The following RNF152 variants were observed in gnomAD, a reference collection of about 807,000 sequenced individuals.
RNF152 encodes the protein E3 ubiquitin-protein ligase RNF152.
Under a neutral mutation model 12.7 loss-of-function variants are expected in RNF152, and 11 were observed. The ratio of observed to expected loss-of-function variants is 0.86; its 90% CI spans 0.54 to 1.43. The LOEUF is 1.43. RNF152 is among the 40% of genes most tolerant of loss of function. The probability of loss-of-function intolerance (pLI) is 0.00; values close to 1 mark genes in which losing one functional copy is unlikely to be tolerated. For missense variants in RNF152, 255 were observed against 274.8 expected (o/e 0.93, Z 0.51); for synonymous variants, 113 against 120.3 (o/e 0.94, Z 0.40).
rs118054266 is a variant in RNF152, at chr18:61,889,563, C to T, written c.-136+3232G>A. Among the ~76,000 whole-genome samples, 260 of 152,310 alleles carry T rather than the reference C, an allele frequency of 1.7e-3. 3 individuals carry two copies. The East Asian group carries it at 0.041, about 24-fold the overall frequency. ...AAGGAAGGCTTTAGAACTCACCACC[C>T]TCCTAGTCAATACAGTTGCTGATGG... On this transcript the variant is annotated intron_variant, in intron 1 of 1. Coordinates refer to ENST00000312828, the MANE Select transcript of RNF152 (RefSeq NM_173557.3).
At chr18:61,869,261 G>A (rs1026241004) in intron 1 of RNF152, among the ~76,000 whole-genome samples, 4 of 152,130 alleles carry the variant, frequency 2.6e-5, no homozygotes, top group African/African-American at 7.2e-5. Flanking sequence ...AAATCACTAG[G>A]TGGGGTCAAA....
In RNF152 at chr18:61,863,433, C is replaced by CAA. The variant is rs34663065; in HGVS notation, c.-136+29360_-136+29361dup. Among the ~76,000 whole-genome samples, 552 of 90,880 alleles carry CAA rather than the reference C, an allele frequency of 6.1e-3. 13 individuals carry two copies. The highest frequency in any genetic ancestry group is 0.021 in the African/African-American group (493 of 23,398). 59.6% of individuals were successfully genotyped at this position (90,880 alleles called of 152,430 possible). A position where few individuals can be genotyped will look rare whatever the true frequency, so the allele number is the denominator to read the frequency against. ...CTGGCAACAGAGTGAGACTCCGTCTCAAAAAAAAAAAAAAAAAAAAAGTAG... is the reference window on the plus strand; with the variant it reads ...CTGGCAACAGAGTGAGACTCCGTCTCAAAAAAAAAAAAAAAAAAAAAAAGTAG... On this transcript the variant is annotated intron_variant, in intron 1 of 1. Coordinates refer to ENST00000312828, the MANE Select transcript of RNF152 (RefSeq NM_173557.3).
At chr18:61,850,516 A>G (rs1910921775) in intron 1 of RNF152, among the ~76,000 whole-genome samples, 1 of 152,204 alleles carries the variant, frequency 6.6e-6, no homozygotes, top group Non-Finnish European at 1.5e-5. Context: ...TATGATCACC[A>G]TCAAACTTGG....
rs535320685 is a variant in RNF152, at chr18:61,818,949, C to T, written c.-135-2351G>A. On this transcript the variant is annotated intron_variant, in intron 1 of 1. Transcript: ENST00000312828. ...TAAATACAAGGTACCCTAAGGGAGCCGAAGGAATCAGGGGGAATTTAGTGA... is the reference window on the plus strand; with the variant it reads ...TAAATACAAGGTACCCTAAGGGAGCTGAAGGAATCAGGGGGAATTTAGTGA... Among the ~76,000 whole-genome samples, 59 of 151,964 alleles carry T rather than the reference C, an allele frequency of 3.9e-4. 1 individual carries two copies. In the East Asian group the frequency reaches 7.3e-3, roughly 19 times the overall value.
intron 1 of RNF152, among the ~76,000 whole-genome samples, chr18:61,855,951 T>C (rs1173628849): frequency 1.3e-5 from 2 of 152,148 alleles, no homozygotes; most frequent in African/African-American, 2.4e-5. Context: ...CTCCACATAC[T>C]TTAATCTGAC....
At chr18:61,863,971 A>C (rs1306042015) in intron 1 of RNF152, among the ~76,000 whole-genome samples, 1 of 152,154 alleles carries the variant, frequency 6.6e-6, no homozygotes, top group Admixed American at 6.5e-5. Context: ...TCTTTCTGAA[A>C]AACACCCAGT....
At chr18:61,885,020 CTATT>C (rs777740368) in intron 1 of RNF152, among the ~76,000 whole-genome samples, 2 of 152,168 alleles carry the variant, frequency 1.3e-5, no homozygotes, top group Non-Finnish European at 2.9e-5. Context: ...AGTGGATGGA[CTATT>C]TATCCCAGTT....
intron 1 of RNF152, among the ~76,000 whole-genome samples, chr18:61,878,227 G>A (rs1797271419): frequency 1.3e-5 from 2 of 152,188 alleles, no homozygotes; most frequent in African/African-American, 2.4e-5. Flanking sequence ...ATTTGGCAAT[G>A]TCTGGAGACA....
At chr18:61,830,050 C>T (rs1909867523) in intron 1 of RNF152, among the ~76,000 whole-genome samples, 1 of 147,060 alleles carries the variant, frequency 6.8e-6, no homozygotes. Context: ...GAGACAGAGT[C>T]TCACTCTGTC....
chr18:61,828,373 C>G (rs6567246), intron 1 of RNF152, among the ~76,000 whole-genome samples: 54,172 of 152,036 alleles, frequency 0.36, 10,145 homozygotes, highest in Non-Finnish European at 0.42. Flanking sequence ...TGCCTTAGCC[C>G]CCCGAGTAGC....
chr18:61,888,984 T>C (rs1912822385), intron 1 of RNF152: 1 of 152,214 alleles, frequency 6.6e-6, no homozygotes, highest in African/African-American at 2.4e-5. Flanking sequence ...TTCCCAAATA[T>C]AGTTCAAGAC....
At chr18:61,865,108 T>C (rs943743954) in intron 1 of RNF152, among the ~76,000 whole-genome samples, 1 of 152,184 alleles carries the variant, frequency 6.6e-6, no homozygotes, top group African/African-American at 2.4e-5. Flanking sequence ...AGGAGCTCAG[T>C]ACCAGGAAAT....
intron 1 of RNF152, among the ~76,000 whole-genome samples, chr18:61,837,772 G>T (rs1054661982): frequency 6.6e-6 from 1 of 152,142 alleles, no homozygotes; most frequent in Non-Finnish European, 1.5e-5. Flanking sequence ...CAAAAATAAC[G>T]CTTCCTAACT....
chr18:61,887,668 C>T (rs1382085069), intron 1 of RNF152, among the ~76,000 whole-genome samples: 1 of 147,656 alleles, frequency 6.8e-6, no homozygotes, highest in South Asian at 2.2e-4. Context: ...CCCCACTGCA[C>T]TCCAGCCTGG....
rs148686076 is a variant in RNF152, at chr18:61,873,620, C to T, written c.-136+19175G>A. Among the ~76,000 whole-genome samples the T allele has an allele frequency of 2.2e-4, 33 of 152,324 alleles. No homozygotes were observed. The East Asian group carries it at 6.2e-3, about 28-fold the overall frequency. ...AAGTGCTGGGATTACAGGCATGAGC[C>T]ACCACGCCCAGCCTCAGTCTCCATT... On this transcript the variant is annotated intron_variant, in intron 1 of 1. Transcript: ENST00000312828.
chr18:61,847,737 G>T (rs552412245), intron 1 of RNF152, among the ~76,000 whole-genome samples: 6 of 151,970 alleles, frequency 3.9e-5, no homozygotes, highest in Admixed American at 2.0e-4. Context: ...TGGAATTCCC[G>T]GTCTCCCTCC....
chr18:61,884,444 CAAAA>C (rs79002370), intron 1 of RNF152, among the ~76,000 whole-genome samples: 1 of 137,626 alleles, frequency 7.3e-6, no homozygotes, highest in Non-Finnish European at 1.6e-5. Context: ...TTTGCCATTA[CAAAA>C]AAAAAAAAAA....
rs1056527884 is a variant in RNF152 at position 61,808,115 on chromosome 18, T to G, written c.*7737A>C. 6 of 151,992 alleles carry G rather than the reference T, an allele frequency of 3.9e-5. No homozygotes were observed. Among genetic ancestry groups the G allele is most frequent in the African/African-American group, 1.5e-4 (6 of 41,370 alleles). 9.4% of individuals were successfully genotyped at this position (151,992 alleles called of 1,614,324 possible). A position where few individuals can be genotyped will look rare whatever the true frequency, so the allele number is the denominator to read the frequency against. On this transcript the variant is annotated 3_prime_UTR_variant, in exon 2 of 2. Coordinates refer to ENST00000312828, the MANE Select transcript of RNF152 (RefSeq NM_173557.3). ...AATCATAGCAAATGTGTTTTTACGG[T>G]AGTCATAAAATCAACATTACCACAT...
intron 1 of RNF152, among the ~76,000 whole-genome samples, chr18:61,835,242 G>A (rs1203199254): frequency 2.0e-5 from 3 of 152,126 alleles, no homozygotes; most frequent in African/African-American, 7.2e-5. Context: ...ACCATTATTT[G>A]CAATAGGAAA....
Sources: gnomAD v4.1 joint callset for allele counts (sites outside exome capture counted in the v4.1 genomes callset) on GRCh38, gnomAD v4.1.1 for gene constraint, MANE v1.5 for transcripts, NCBI Gene and HGNC (gene_info 2026-07-23, HGNC 2026-07-21) for gene names.